Variants in EMX2 observed in about 807,000 individuals in gnomAD.
EMX2 encodes the protein homeobox protein EMX2.
Under a neutral mutation model 23.0 loss-of-function variants are expected in EMX2, and 6 were observed. The ratio of observed to expected loss-of-function variants is 0.26; its 90% CI spans 0.14 to 0.52. The LOEUF (loss-of-function observed/expected upper bound fraction) is 0.52, where lower values mean the gene tolerates loss of function less well. EMX2 is among the 20% of genes least tolerant of loss of function. The pLI, the probability that EMX2 is intolerant of heterozygous loss-of-function variation, is 0.97. For missense variants in EMX2, 302 were observed against 341.4 expected, an observed-to-expected ratio of 0.88 and a Z score of 0.91; for synonymous variants, 175 against 153.3, an observed-to-expected ratio of 1.14 and a Z score of -1.04.
chr10:117,548,259 G>T lies in EMX2; in HGVS notation c.*27G>T. 1 of 1,611,642 alleles carries T rather than the reference G, an allele frequency of 6.2e-7. No individual in the cohort carries two copies. The highest frequency in any genetic ancestry group is 1.3e-5 in the African/African-American group (1 of 74,846). On this transcript the variant is annotated 3_prime_UTR_variant, in exon 3 of 3. Coordinates refer to ENST00000553456, the MANE Select transcript of EMX2 (RefSeq NM_004098.4). Reference sequence around the variant, plus strand: ...AACATAAACCTAACCCCACAGAAACGGACAACATGGAGCAAAAGAGACAGG... The same window carrying T: ...AACATAAACCTAACCCCACAGAAACTGACAACATGGAGCAAAAGAGACAGG...
chr10:117,548,518 A>G lies in EMX2; in HGVS notation c.*286A>G. On this transcript the variant is annotated 3_prime_UTR_variant, in exon 3 of 3. Coordinates refer to ENST00000553456, the MANE Select transcript of EMX2 (RefSeq NM_004098.4). The stretch of plus-strand genomic sequence containing the variant: ...AGTGAGAGACACAGAGAGAAGGAGA[A>G]AGAGGGAGGGAGAGAGAGAAAGAGA... 1 of 565,942 alleles carries G rather than the reference A, an allele frequency of 1.8e-6. No homozygotes were observed. Among genetic ancestry groups the G allele is most frequent in the Non-Finnish European group, 3.1e-6 (1 of 327,400 alleles). 35.1% of individuals were successfully genotyped at this position (565,942 alleles called of 1,614,324 possible).
intron 1 of EMX2, chr10:117,545,303 C>G: frequency 3.4e-6 from 1 of 295,214 alleles, no homozygotes; most frequent in Non-Finnish European, 6.2e-6. Flanking sequence ...CGGCTCCCTC[C>G]CCTGCCTCCA....
In EMX2 at chr10:117,543,707, C is replaced by T; in HGVS notation, c.406+34C>T. 2.5e-6 allele frequency: 4 copies of T among 1,598,510 alleles called. No homozygotes were observed. In the East Asian group the frequency reaches 6.8e-5, roughly 27 times the overall value. On this transcript the variant is annotated intron_variant, in intron 1 of 2. Transcript: ENST00000553456. ...CACGTCGCGGAACTGCAGCGCGCCGCTCCCGCCGCATCCTTCACTGCCCCC... is the reference window on the plus strand; with the variant it reads ...CACGTCGCGGAACTGCAGCGCGCCGTTCCCGCCGCATCCTTCACTGCCCCC...
At chr10:117,545,578 C>T (rs1011292065) in intron 1 of EMX2, 54 bp from the exon 2 acceptor site, 2 of 1,606,494 alleles carry the variant, frequency 1.2e-6, no homozygotes, top group Admixed American at 1.7e-5. Context: ...GAGAAGTGCG[C>T]GGCTCCGGTC....
In EMX2 at chr10:117,543,442, G is replaced by A; in HGVS notation, c.175G>A (p.Ala59Thr). ...CTTCCACTCGGCCGCCGCCGCCGCC[G>A]CCGGTAGGGGCGTCTACTCCAACCC... is the stretch of plus-strand genomic sequence containing the variant. Reference protein sequence around the residue: ...NGFHSAAAAAAGRGVYSNPDL... With the variant: ...NGFHSAAAAATGRGVYSNPDL... The change falls in exon 1 of 3, where the codon GCC (alanine) becomes ACC (threonine). Residue 59 changes from alanine (A) to threonine (T), a missense_variant. Physicochemically the swap from Ala to Thr is moderately conservative, Grantham distance 58 (BLOSUM62 0). This residue lies in a region of EMX2 where 221 missense variants were observed against 206.8 expected (regional missense o/e 1.07). Coordinates refer to ENST00000553456, the MANE Select transcript of EMX2 (RefSeq NM_004098.4). 6.2e-7 allele frequency: 1 copy of A among 1,605,280 alleles called. No individual in the cohort carries two copies. The highest frequency in any genetic ancestry group is 1.7e-4 in the Middle Eastern group (1 of 6,054).
Position 117,543,073 on chromosome 10 carries a change from C to T in EMX2, c.-195C>T. The T allele has an allele frequency of 1.9e-6, 1 of 517,514 alleles. No homozygotes were observed. The highest frequency in any genetic ancestry group is 4.2e-5 in the Admixed American group (1 of 24,064). 32.1% of individuals were successfully genotyped at this position (517,514 alleles called of 1,614,324 possible). On this transcript the variant is annotated 5_prime_UTR_variant, in exon 1 of 3. Transcript: ENST00000553456. ...TCGGGATCCTCGGCTTTGCCTCTCCCTCTCCCTCCCCCCTCCTTTCCTTTT... is the reference window on the plus strand; with the variant it reads ...TCGGGATCCTCGGCTTTGCCTCTCCTTCTCCCTCCCCCCTCCTTTCCTTTT...
intron 1 of EMX2, chr10:117,544,422 G>A (rs1158699517): frequency 1.3e-5 from 2 of 151,274 alleles, no homozygotes; most frequent in Non-Finnish European, 2.9e-5. Context: ...CTGTCTTAGA[G>A]GGAAATATCT....
intron 2 of EMX2, 25 bp from the exon 3 acceptor site, chr10:117,548,040 C>T (rs760536916): frequency 1.3e-5 from 20 of 1,597,756 alleles, no homozygotes; most frequent in Admixed American, 1.7e-5. Flanking sequence ...AGAACTAACG[C>T]ACCCCATCTG....
chr10:117,543,382 G>A lies in EMX2; in HGVS notation c.115G>A (p.Ala39Thr). The A allele has an allele frequency of 1.3e-6, 2 of 1,577,150 alleles. No homozygotes were observed. The highest frequency in any genetic ancestry group is 8.6e-7 in the Non-Finnish European group (1 of 1,162,490). The change falls in exon 1 of 3, where the codon GCT becomes ACT. Residue 39 changes from alanine (A) to threonine (T), a missense_variant. Coordinates refer to ENST00000553456, the MANE Select transcript of EMX2 (RefSeq NM_004098.4). ...DPIRPAALSYANSSPINPFLN... is the reference protein window; with the variant it reads ...DPIRPAALSYTNSSPINPFLN... ...CATCCGTCCCGCGGCACTCAGCTAC[G>A]CTAACTCCAGCCCCATAAATCCGTT...
At chr10:117,543,751 G>T (rs1846533032) in intron 1 of EMX2, 78 bp downstream of exon 1, 4 of 1,605,262 alleles carry the variant, frequency 2.5e-6, no homozygotes, top group Non-Finnish European at 1.7e-6. Flanking sequence ...CCGGGTGGGC[G>T]CTTGGCAAGG....
chr10:117,545,315 C>G, intron 1 of EMX2: 1 of 301,788 alleles, frequency 3.3e-6, no homozygotes, highest in Non-Finnish European at 6.1e-6. Context: ...CTGCCTCCAG[C>G]GCCCGGCGAG....
intron 1 of EMX2, chr10:117,544,363 GT>G (rs1441345883): frequency 7.4e-6 from 1 of 134,492 alleles, no homozygotes; most frequent in East Asian, 2.2e-4. Context: ...TCTGGTTTTT[GT>G]TTTTCTTTCT....
In EMX2 at chr10:117,548,566, G is replaced by T; in HGVS notation, c.*334G>T. 1.9e-6 allele frequency: 1 copy of T among 517,664 alleles called. No individual in the cohort carries two copies. The highest frequency in any genetic ancestry group is 3.4e-6 in the Non-Finnish European group (1 of 296,652). The allele number at this position is 517,664 out of a possible 1,614,324, so 32.1% of individuals were successfully genotyped here. A position where few individuals can be genotyped will look rare whatever the true frequency, so the allele number is the denominator to read the frequency against. On this transcript the variant is annotated 3_prime_UTR_variant, in exon 3 of 3. Coordinates refer to ENST00000553456, the MANE Select transcript of EMX2 (RefSeq NM_004098.4). ...AGAGAGAAAGAGAGAGAGAGAGAGA[G>T]AGAGAGAAAGCTGAACGTGCACTCT...
intron 2 of EMX2, 53 bp downstream of exon 2, chr10:117,545,869 A>C (rs1846571319): frequency 6.2e-7 from 1 of 1,609,804 alleles, no homozygotes; most frequent in Non-Finnish European, 8.5e-7. Context: ...CCCCTCCCCA[A>C]AGCTGGCTCC....
rs374951619 is a variant in EMX2, at chr10:117,545,596, C to A, written c.407-36C>A. ...AAGTGCGCGGCTCCGGTCAGAGCAG[C>A]CCCCCCTAATGGGATTTCTGCTGTG... On this transcript the variant is annotated intron_variant, in intron 1 of 2. Transcript: ENST00000553456. The A allele has an allele frequency of 2.5e-4, 401 of 1,611,874 alleles. 1 individual carries two copies. The highest frequency in any genetic ancestry group is 5.2e-4 in the Middle Eastern group (3 of 5,750).
chr10:117,543,222 G>C lies in EMX2; in HGVS notation c.-46G>C. 3.1e-6 allele frequency: 4 copies of C among 1,303,558 alleles called. No individual in the cohort carries two copies. Among genetic ancestry groups the C allele is most frequent in the Non-Finnish European group, 4.0e-6 (4 of 1,008,780 alleles). 80.7% of individuals were successfully genotyped at this position (1,303,558 alleles called of 1,614,324 possible). ...GCGGGCGGCGGAGGCAGCGTGCGGCGGTCGCCAGGAGCTGGGAGCCCAGGG... is the reference window on the plus strand; with the variant it reads ...GCGGGCGGCGGAGGCAGCGTGCGGCCGTCGCCAGGAGCTGGGAGCCCAGGG... On this transcript the variant is annotated 5_prime_UTR_variant, in exon 1 of 3. Transcript: ENST00000553456.
Position 117,549,397 on chromosome 10 carries a change from G to A in EMX2, c.*1165G>A, listed in dbSNP as rs779959540. The A allele has an allele frequency of 1.8e-4, 27 of 152,624 alleles. No individual in the cohort carries two copies. The highest frequency in any genetic ancestry group is 3.5e-4 in the Non-Finnish European group (24 of 68,042). 9.5% of individuals were successfully genotyped at this position (152,624 alleles called of 1,614,324 possible). A position where few individuals can be genotyped will look rare whatever the true frequency, so the allele number is the denominator to read the frequency against. ...CAAGATCATAGACTTACTAAAGAGA[G>A]TGACAAATGCTTCCTTAATGTCTTC... is the stretch of plus-strand genomic sequence containing the variant. On this transcript the variant is annotated 3_prime_UTR_variant, in exon 3 of 3. Coordinates refer to ENST00000553456, the MANE Select transcript of EMX2 (RefSeq NM_004098.4).
Position 117,549,317 on chromosome 10 carries a change from T to C in EMX2, c.*1085T>C, listed in dbSNP as rs894437413. The stretch of plus-strand genomic sequence containing the variant: ...GAAGGACTGTAGTTAGCGGGGATGA[T>C]GTTAAGTGTGGCCAAGCGCACGGCG... On this transcript the variant is annotated 3_prime_UTR_variant, in exon 3 of 3. Coordinates refer to ENST00000553456, the MANE Select transcript of EMX2 (RefSeq NM_004098.4). 6 of 152,618 alleles carry C rather than the reference T, an allele frequency of 3.9e-5. No homozygotes were observed. Among genetic ancestry groups the C allele is most frequent in the African/African-American group, 9.7e-5 (4 of 41,438 alleles). The allele number at this position is 152,618 out of a possible 1,614,324, so 9.5% of individuals were successfully genotyped here.
rs561630351 is a variant in EMX2, at chr10:117,545,597, C to T, written c.407-35C>T. On this transcript the variant is annotated intron_variant, in intron 1 of 2. Transcript: ENST00000553456. The stretch of plus-strand genomic sequence containing the variant: ...AGTGCGCGGCTCCGGTCAGAGCAGC[C>T]CCCCCTAATGGGATTTCTGCTGTGC... The T allele has an allele frequency of 8.6e-5, 139 of 1,612,326 alleles. 2 individuals are homozygous for T. The South Asian group carries it at 1.1e-3, about 12-fold the overall frequency.
Sources: gnomAD v4.1 joint callset for allele counts on GRCh38, gnomAD v4.1.1 for gene constraint, gnomAD v4.1.1 regional missense constraint, MANE v1.5 for transcripts, NCBI Gene and HGNC (gene_info 2026-07-23, HGNC 2026-07-21) for gene names.